SH2D4A: variants seen among roughly 807,000 people sequenced by gnomAD.
The protein encoded by SH2D4A is SH2 domain-containing protein 4A.
In SH2D4A, 70 loss-of-function variants were observed where a neutral mutation model predicts 64.7. The ratio of observed to expected loss-of-function variants is 1.08; its 90% CI spans 0.89 to 1.32. The LOEUF (loss-of-function observed/expected upper bound fraction) is 1.32, where lower values mean the gene tolerates loss of function less well. Among genes scored for constraint, SH2D4A ranks in the 40% most tolerant of loss-of-function variants. The pLI, the probability that SH2D4A is intolerant of heterozygous loss-of-function variation, is 0.00. For synonymous variants in SH2D4A, 268 were observed against 200.7 expected (o/e 1.34, Z -2.83); for missense variants, 706 against 540.1 (o/e 1.31, Z -3.04).
chr8:19,331,922 G>C (rs1343674395), intron 2 of SH2D4A, among the ~76,000 whole-genome samples: 3 of 152,112 alleles, frequency 2.0e-5, no homozygotes, highest in East Asian at 3.9e-4. Flanking sequence ...CCTTATCTGA[G>C]GCAAGAGGAT....
At position 19,319,424 on chromosome 8, in the gene SH2D4A, C is replaced by G; in HGVS notation, c.-124C>G. ...TTGCTGAATTATTGTCCCAGTCAGC[C>G]AGGATTGTGAGCTGTTTGGGAAGTT... On this transcript the variant is annotated 5_prime_UTR_variant, in exon 2 of 10. Transcript: ENST00000265807. 2 of 1,316,250 alleles carry G rather than the reference C, an allele frequency of 1.5e-6. No homozygotes were observed. The highest frequency in any genetic ancestry group is 9.7e-7 in the Non-Finnish European group (1 of 1,029,322). The allele number at this position is 1,316,250 out of a possible 1,614,324, so 81.5% of individuals were successfully genotyped here.
intron 2 of SH2D4A, among the ~76,000 whole-genome samples, chr8:19,320,485 A>G (rs368182714): frequency 6.6e-6 from 1 of 152,034 alleles, no homozygotes; most frequent in Non-Finnish European, 1.5e-5. Flanking sequence ...TTAGCTGGGC[A>G]TGGTGGTACA....
intron 2 of SH2D4A, among the ~76,000 whole-genome samples, chr8:19,325,389 T>C (rs1383201930): frequency 6.6e-6 from 1 of 152,182 alleles, no homozygotes; most frequent in Non-Finnish European, 1.5e-5. Flanking sequence ...TAAGGAAACA[T>C]ACTTAGAGAC....
intron 2 of SH2D4A, among the ~76,000 whole-genome samples, chr8:19,324,413 A>T (rs1011148991): frequency 6.6e-6 from 1 of 152,126 alleles, no homozygotes; most frequent in Non-Finnish European, 1.5e-5. Context: ...TATTTTTGTG[A>T]AATAATGTTA....
At chr8:19,367,880 A>C (rs2053026152) in intron 7 of SH2D4A, among the ~76,000 whole-genome samples, 1 of 152,140 alleles carries the variant, frequency 6.6e-6, no homozygotes, top group African/African-American at 2.4e-5. Flanking sequence ...GTTTGAGAGA[A>C]GCCTGAGCAA....
At chr8:19,322,487 T>A (rs2052208448) in intron 2 of SH2D4A, among the ~76,000 whole-genome samples, 1 of 152,182 alleles carries the variant, frequency 6.6e-6, no homozygotes, top group South Asian at 2.1e-4. Context: ...AGCTTATCAC[T>A]TAGAAGTTCC....
chr8:19,385,483 GAGCCAC>G (rs1191349279), intron 8 of SH2D4A, among the ~76,000 whole-genome samples: 1 of 152,130 alleles, frequency 6.6e-6, no homozygotes, highest in East Asian at 1.9e-4. Flanking sequence ...TTACAGGCCT[GAGCCAC>G]CACGCCTGGC....
chr8:19,357,108 G>T, intron 4 of SH2D4A, 95 bp from the exon 5 acceptor site: 1 of 961,402 alleles, frequency 1.0e-6, no homozygotes, highest in Non-Finnish European at 1.6e-6. Flanking sequence ...AGGGGCGGGG[G>T]CAGCATTAGG....
At chr8:19,314,584 C>A (rs1266201542) in intron 1 of SH2D4A, among the ~76,000 whole-genome samples, 1 of 152,216 alleles carries the variant, frequency 6.6e-6, no homozygotes, top group East Asian at 1.9e-4. Flanking sequence ...AGTTGTCTCT[C>A]CCTTCCCAGG....
chr8:19,334,769 C>G lies in SH2D4A; in HGVS notation c.425C>G (p.Thr142Ser). 6.2e-7 allele frequency: 1 copy of G among 1,613,986 alleles called. No homozygotes were observed. Among genetic ancestry groups the G allele is most frequent in the Non-Finnish European group, 8.5e-7 (1 of 1,179,992 alleles). Residue 142 changes from threonine (T) to serine (S), a missense_variant, in exon 4 of 10, where the codon ACT (threonine) becomes AGT (serine). Physicochemically the swap from Thr to Ser is moderately conservative, Grantham distance 58 (BLOSUM62 1). Coordinates refer to ENST00000265807, the MANE Select transcript of SH2D4A (RefSeq NM_022071.4). ...CTGCAGGCTCCGGATAACCAGCAGACTAAAGACATCTGGAAGAAAGTGGCA... is the reference window on the plus strand; with the variant it reads ...CTGCAGGCTCCGGATAACCAGCAGAGTAAAGACATCTGGAAGAAAGTGGCA... ...HDLQAPDNQQ[T>S]KDIWKKVAEK...
chr8:19,379,187 C>A (rs2053248982), intron 8 of SH2D4A, among the ~76,000 whole-genome samples: 4 of 152,158 alleles, frequency 2.6e-5, no homozygotes, highest in Admixed American at 2.6e-4. Flanking sequence ...CACCACCAAC[C>A]CCCAGCCCCT....
At chr8:19,314,900 A>G (rs1024831070) in intron 1 of SH2D4A, among the ~76,000 whole-genome samples, 9 of 152,324 alleles carry the variant, frequency 5.9e-5, no homozygotes, top group Middle Eastern at 3.4e-3. Flanking sequence ...TTGCTGGTAG[A>G]TGAATAAGAT....
intron 1 of SH2D4A, chr8:19,314,112 C>CAG (rs2052044527): frequency 8.3e-6 from 9 of 1,084,532 alleles, no homozygotes; most frequent in Non-Finnish European, 1.0e-5. Context: ...TGGGGGCTTG[C>CAG]AGGGGGTGGC....
Position 19,395,059 on chromosome 8 carries a change from T to C in SH2D4A, c.*417T>C, listed in dbSNP as rs2053565809. On this transcript the variant is annotated 3_prime_UTR_variant, in exon 10 of 10. Transcript: ENST00000265807. ...GTTGACATGAAGTTTCGAAGTTTCATGTTGGCTTTGGAATGGTAGCAAAAG... is the reference window on the plus strand; with the variant it reads ...GTTGACATGAAGTTTCGAAGTTTCACGTTGGCTTTGGAATGGTAGCAAAAG... The C allele has an allele frequency of 6.5e-6, 1 of 152,862 alleles. No individual in the cohort carries two copies. The highest frequency in any genetic ancestry group is 2.1e-4 in the South Asian group (1 of 4,834). The allele number at this position is 152,862 out of a possible 1,614,324, so 9.5% of individuals were successfully genotyped here.
rs2052154480 is a variant in SH2D4A at position 19,319,705 on chromosome 8, C to T, written c.158C>T (p.Pro53Leu). The stretch of plus-strand genomic sequence containing the variant: ...GCTATGGAAAGAAAGGAGTCCCTGC[C>T]AGTGAAACCCAGACCAAAGAAAGGT... ...EAAMERKESL[P>L]VKPRPKKENG... The change falls in exon 2 of 10, where the codon CCA (proline) becomes CTA (leucine). Residue 53 changes from proline to leucine, a missense_variant. Pro to Leu is a moderately conservative substitution (Grantham distance 98). Transcript: ENST00000265807. 3 of 1,593,264 alleles carry T rather than the reference C, an allele frequency of 1.9e-6. No individual in the cohort carries two copies. Among genetic ancestry groups the T allele is most frequent in the South Asian group, 1.2e-5 (1 of 86,832 alleles).
rs1401985939 is a variant in SH2D4A at position 19,395,430 on chromosome 8, G to C, written c.*788G>C. 1 of 152,232 alleles carries C rather than the reference G, an allele frequency of 6.6e-6. No individual in the cohort carries two copies. Among genetic ancestry groups the C allele is most frequent in the Non-Finnish European group, 1.5e-5 (1 of 68,070 alleles). The allele number at this position is 152,232 out of a possible 1,614,324, so 9.4% of individuals were successfully genotyped here. A position where few individuals can be genotyped will look rare whatever the true frequency, so the allele number is the denominator to read the frequency against. ...TGGATGCTACTTGTGGTTGAATTGTGTTCCCCCAAAATATATGGTGAAGTC... is the reference window on the plus strand; with the variant it reads ...TGGATGCTACTTGTGGTTGAATTGTCTTCCCCCAAAATATATGGTGAAGTC... On this transcript the variant is annotated 3_prime_UTR_variant, in exon 10 of 10. Transcript: ENST00000265807.
At chr8:19,326,232 C>T (rs189127497) in intron 2 of SH2D4A, among the ~76,000 whole-genome samples, 2 of 152,160 alleles carry the variant, frequency 1.3e-5, no homozygotes, top group African/African-American at 4.8e-5. Context: ...GAGTAATCAC[C>T]TGAGCTGATA....
At chr8:19,316,674 C>A (rs1297315041) in intron 1 of SH2D4A, among the ~76,000 whole-genome samples, 1 of 152,166 alleles carries the variant, frequency 6.6e-6, no homozygotes, top group Non-Finnish European at 1.5e-5. Flanking sequence ...TTGCTGGCTT[C>A]CATTCTGAAA....
chr8:19,370,617 A>T (rs1379932303), intron 7 of SH2D4A, among the ~76,000 whole-genome samples: 1 of 151,988 alleles, frequency 6.6e-6, no homozygotes, highest in African/African-American at 2.4e-5. Flanking sequence ...CTTCCAGACT[A>T]TGCATGTCCT....
Sources: allele counts gnomAD v4.1 joint callset (sites outside exome capture counted in the v4.1 genomes callset), GRCh38; gene constraint gnomAD v4.1.1; transcripts MANE v1.5; gene names NCBI Gene and HGNC (gene_info 2026-07-23, HGNC 2026-07-21).